MDGA2: variants seen among roughly 807,000 people sequenced by gnomAD.
The protein encoded by MDGA2 is MAM domain-containing glycosylphosphatidylinositol anchor protein 2.
A neutral mutation model predicts 117.8 loss-of-function variants in MDGA2; 40 were observed. The observed-to-expected ratio is 0.34, with a 90% CI of 0.26 to 0.44. The LOEUF is 0.44. Ranked by LOEUF, MDGA2 falls within the 20% of genes least tolerant of loss-of-function variation. The probability of loss-of-function intolerance (pLI) is 1.00; values close to 1 mark genes in which losing one functional copy is unlikely to be tolerated. For missense variants in MDGA2, 1,123 were observed against 1,250.6 expected (o/e 0.90, Z 1.54); for synonymous variants, 452 against 439.0 (o/e 1.03, Z -0.37).
chr14:47,150,192 AG>A (rs1315847974), intron 3 of MDGA2, among the ~76,000 whole-genome samples: 1 of 152,210 alleles, frequency 6.6e-6, no homozygotes, highest in Admixed American at 6.5e-5. Context: ...TGAGACTTCA[AG>A]GTTGTGGAGT....
chr14:47,458,695 G>C (rs1893415869), intron 1 of MDGA2, among the ~76,000 whole-genome samples: 1 of 152,006 alleles, frequency 6.6e-6, no homozygotes, highest in Non-Finnish European at 1.5e-5. Context: ...GAGAGTTTAT[G>C]GATCTGTTAA....
At chr14:47,003,863 A>G (rs1887620664) in intron 8 of MDGA2, among the ~76,000 whole-genome samples, 1 of 151,934 alleles carries the variant, frequency 6.6e-6, no homozygotes, top group Admixed American at 6.6e-5. Context: ...CATAAAGCTT[A>G]TAGAAGAAAA....
chr14:47,139,039 AATGAATGGGTAT>A (rs1256409997), intron 4 of MDGA2, among the ~76,000 whole-genome samples: 3 of 152,142 alleles, frequency 2.0e-5, no homozygotes, highest in Non-Finnish European at 4.4e-5. Flanking sequence ...ATTAACATAT[AATGAATGGGTAT>A]ACAAAATAGA....
chr14:46,982,763 T>C lies in MDGA2; in HGVS notation c.1820-25120A>G, dbSNP rs377105541. 8.0e-5 allele frequency among the ~76,000 whole-genome samples: 12 copies of C among 149,624 alleles called. No homozygotes were observed. In the East Asian group the frequency reaches 1.8e-3, roughly 22 times the overall value. On this transcript the variant is annotated intron_variant, in intron 8 of 16. Transcript: ENST00000399232. ...CATGTCATCTGCAACCAGGGACAAT[T>C]TGACTTCCCCTTTTCCTAATTGAAT... is the stretch of plus-strand genomic sequence containing the variant.
At chr14:46,876,986 T>G (rs1882256554) in intron 12 of MDGA2, among the ~76,000 whole-genome samples, 1 of 151,670 alleles carries the variant, frequency 6.6e-6, no homozygotes, top group East Asian at 1.9e-4. Context: ...TCCCCAAATT[T>G]AACAATTTTA....
intron 6 of MDGA2, among the ~76,000 whole-genome samples, chr14:47,062,854 A>C (rs762561894): frequency 1.6e-4 from 24 of 152,134 alleles, no homozygotes; most frequent in Non-Finnish European, 3.2e-4. Context: ...CTAAGTTTTA[A>C]AACTCTTTAG....
chr14:47,135,981 C>G (rs765705189), intron 4 of MDGA2, among the ~76,000 whole-genome samples: 5 of 151,948 alleles, frequency 3.3e-5, no homozygotes, highest in Admixed American at 3.3e-4. Flanking sequence ...GGGCTATGAT[C>G]GCAGATTTAT....
chr14:47,436,132 G>A (rs566760937), intron 1 of MDGA2, among the ~76,000 whole-genome samples: 6 of 152,000 alleles, frequency 3.9e-5, no homozygotes, highest in African/African-American at 1.4e-4. Flanking sequence ...GACATCTCAG[G>A]GAAAACTCAT....
In MDGA2 at chr14:47,174,902, C is replaced by T. The variant is rs899537603; in HGVS notation, c.596-30628G>A. Among the ~76,000 whole-genome samples, 5 of 151,806 alleles carry T rather than the reference C, an allele frequency of 3.3e-5. No individual in the cohort carries two copies. In the East Asian group the frequency reaches 9.6e-4, roughly 29 times the overall value. ...ATCAACAAAATTCATAGACTGCTTG[C>T]AAGACTAATAAAGAAAAAAAGAGAG... On this transcript the variant is annotated intron_variant, in intron 3 of 16. Transcript: ENST00000399232.
intron 14 of MDGA2, among the ~76,000 whole-genome samples, chr14:46,865,154 T>C (rs1396144192): frequency 6.6e-6 from 1 of 152,102 alleles, no homozygotes; most frequent in East Asian, 1.9e-4. Flanking sequence ...ATCAAACTCA[T>C]AAAATCATGC....
At chr14:47,125,679 T>A (rs1881866997) in intron 5 of MDGA2, among the ~76,000 whole-genome samples, 1 of 152,086 alleles carries the variant, frequency 6.6e-6, no homozygotes, top group African/African-American at 2.4e-5. Flanking sequence ...GTAATACTTT[T>A]ATGGCTTGGT....
At position 47,221,691 on chromosome 14, in the gene MDGA2, A is replaced by AT. The variant is rs965682670; in HGVS notation, c.421-3497_421-3496insA. Among the ~76,000 whole-genome samples, 25 of 151,084 alleles carry AT rather than the reference A, an allele frequency of 1.7e-4. 1 individual carries two copies. The highest frequency in any genetic ancestry group is 5.8e-4 in the African/African-American group (24 of 41,232). On this transcript the variant is annotated intron_variant, in intron 2 of 16. Coordinates refer to ENST00000399232, the MANE Select transcript of MDGA2 (RefSeq NM_001113498.3). ...TGACAGAGCGAGACTCTATCTCAAA[A>AT]AAAAAAAAAAAAGAGATTACGGGAA...
At chr14:47,045,779 A>G (rs1889237615) in intron 7 of MDGA2, among the ~76,000 whole-genome samples, 1 of 152,132 alleles carries the variant, frequency 6.6e-6, no homozygotes, top group African/African-American at 2.4e-5. Flanking sequence ...AGCCTGGCCA[A>G]CATGCAGTAA....
intron 1 of MDGA2, among the ~76,000 whole-genome samples, chr14:47,494,404 A>G (rs1894235845): frequency 6.6e-6 from 1 of 152,186 alleles, no homozygotes; most frequent in South Asian, 2.1e-4. Flanking sequence ...CCAAAGCTAC[A>G]TTCCCTCAAA....
intron 7 of MDGA2, 144 bp from the exon 8 acceptor site, chr14:47,035,448 A>G (rs770657086): frequency 2.1e-4 from 137 of 637,794 alleles, no homozygotes; most frequent in Non-Finnish European, 3.3e-4. Context: ...AATAAATGGA[A>G]TATACTCTCA....
chr14:47,215,274 T>G (rs553706780), intron 3 of MDGA2, among the ~76,000 whole-genome samples: 13 of 152,118 alleles, frequency 8.5e-5, no homozygotes, highest in Admixed American at 3.9e-4. Flanking sequence ...TTTATATAAA[T>G]GAATATCTAT....
At chr14:47,072,287 T>TTG (rs1890320619) in intron 6 of MDGA2, among the ~76,000 whole-genome samples, 2 of 152,152 alleles carry the variant, frequency 1.3e-5, no homozygotes, top group African/African-American at 4.8e-5. Context: ...AAAGCTTATA[T>TTG]TGTACCTATA....
intron 3 of MDGA2, among the ~76,000 whole-genome samples, chr14:47,196,698 T>C (rs1165350616): frequency 6.6e-6 from 1 of 152,208 alleles, no homozygotes; most frequent in East Asian, 1.9e-4. Flanking sequence ...CAAAGGAATA[T>C]GTGTAAGTTT....
At chr14:47,043,472 T>A (rs1889149765) in intron 7 of MDGA2, among the ~76,000 whole-genome samples, 1 of 152,086 alleles carries the variant, frequency 6.6e-6, no homozygotes, top group Non-Finnish European at 1.5e-5. Context: ...TATAATAATA[T>A]TATATTGTTA....
Sources: gnomAD v4.1 joint callset for allele counts (sites outside exome capture counted in the v4.1 genomes callset) on GRCh38, gnomAD v4.1.1 for gene constraint, MANE v1.5 for transcripts, NCBI Gene and HGNC (gene_info 2026-07-23, HGNC 2026-07-21) for gene names.